The following NAA11 variants were observed in gnomAD, a reference collection of about 807,000 sequenced individuals.
NAA11 encodes the protein N-alpha-acetyltransferase 11.
NAA11 carries 15 observed loss-of-function variants against 16.1 expected under a neutral mutation model. The ratio of observed to expected loss-of-function variants is 0.93; its 90% CI spans 0.62 to 1.44. The LOEUF (loss-of-function observed/expected upper bound fraction) is 1.44. Among genes scored for constraint, NAA11 ranks in the 40% most tolerant of loss-of-function variants. The pLI, the probability that NAA11 is intolerant of heterozygous loss-of-function variation, is 0.00. For synonymous variants in NAA11, 122 were observed against 112.4 expected, an observed-to-expected ratio of 1.09 and a Z score of -0.54; for missense variants, 298 against 291.3, an observed-to-expected ratio of 1.02 and a Z score of -0.17.
intron 1 of NAA11, among the ~76,000 whole-genome samples, chr4:79,298,292 A>G (rs1434244914): frequency 6.6e-6 from 1 of 152,222 alleles, no homozygotes; most frequent in Non-Finnish European, 1.5e-5. Flanking sequence ...GTCGGGACCC[A>G]CTGAATGGTG....
chr4:79,318,907 T>C (rs1364506070), intron 1 of NAA11, among the ~76,000 whole-genome samples: 1 of 152,164 alleles, frequency 6.6e-6, no homozygotes, highest in Non-Finnish European at 1.5e-5. Context: ...AGATTCCCTT[T>C]AAAATGTTAG....
chr4:79,158,436 A>G, the NAA11 span, among the ~76,000 whole-genome samples: 2 of 152,088 alleles, frequency 1.3e-5, no homozygotes, highest in Non-Finnish European at 2.9e-5. Flanking sequence ...GGAAAACTAC[A>G]AAACACTGCT....
At chr4:79,194,374 G>A in the NAA11 span, among the ~76,000 whole-genome samples, 1 of 152,208 alleles carries the variant, frequency 6.6e-6, no homozygotes, top group East Asian at 1.9e-4. Context: ...AAACATACAT[G>A]TAGTGAAATA....
chr4:79,309,116 G>A (rs537894778), intron 1 of NAA11, among the ~76,000 whole-genome samples: 4 of 152,200 alleles, frequency 2.6e-5, no homozygotes, highest in African/African-American at 4.8e-5. Flanking sequence ...GTTAATTACT[G>A]GTAAACCACA....
chr4:79,268,340 G>C (rs1239353239), intron 2 of NAA11, among the ~76,000 whole-genome samples: 2 of 152,078 alleles, frequency 1.3e-5, no homozygotes, highest in East Asian at 1.9e-4. Context: ...GATTCCATTA[G>C]ATCTTTTAAA....
At position 79,309,241 on chromosome 4, in the gene NAA11, C is replaced by T. The variant is rs546407123; in HGVS notation, c.*13-15127G>A. On this transcript the variant is annotated intron_variant and NMD_transcript_variant, in intron 1 of 2. Coordinates refer to the NAA11 transcript ENST00000511542. Reference sequence around the variant, plus strand: ...CAAGATGATTTCTTGGAGATTATTGCTCATTTATTTTTTTAACAGACAAAA... The same window carrying T: ...CAAGATGATTTCTTGGAGATTATTGTTCATTTATTTTTTTAACAGACAAAA... Among the ~76,000 whole-genome samples, 40 of 152,222 alleles carry T rather than the reference C, an allele frequency of 2.6e-4. No individual in the cohort carries two copies. In the East Asian group the frequency reaches 6.4e-3, roughly 24 times the overall value.
At chr4:79,249,978 CAGAG>C (rs1390817890) in intron 2 of NAA11, among the ~76,000 whole-genome samples, 1 of 152,208 alleles carries the variant, frequency 6.6e-6, no homozygotes, top group African/African-American at 2.4e-5. Flanking sequence ...CAGCATGACT[CAGAG>C]AGAGTGAGGA....
intron 1 of NAA11, among the ~76,000 whole-genome samples, chr4:79,300,292 C>T (rs1552282): frequency 0.57 from 85,944 of 151,956 alleles, 24,826 homozygotes; most frequent in East Asian, 0.85. Context: ...TGCCATATAC[C>T]TTAACATGTT....
intron 2 of NAA11, among the ~76,000 whole-genome samples, chr4:79,226,545 A>G (rs770001859): frequency 1.7e-4 from 25 of 151,128 alleles, no homozygotes; most frequent in Non-Finnish European, 3.2e-4. Context: ...TGTCATTTAC[A>G]TTAGGTATAT....
intron 2 of NAA11, among the ~76,000 whole-genome samples, chr4:79,249,616 G>A (rs2109966924): frequency 6.6e-6 from 1 of 152,312 alleles, no homozygotes; most frequent in East Asian, 1.9e-4. Flanking sequence ...AAGGGATTAT[G>A]TAAAAATGCC....
chr4:79,237,582 G>A (rs1472038457), intron 2 of NAA11, among the ~76,000 whole-genome samples: 1 of 152,022 alleles, frequency 6.6e-6, no homozygotes, highest in Non-Finnish European at 1.5e-5. Flanking sequence ...ACTTCATTTT[G>A]ACAGTGTTTG....
chr4:79,229,828 A>G (rs1172173111), intron 2 of NAA11, among the ~76,000 whole-genome samples: 1 of 151,946 alleles, frequency 6.6e-6, no homozygotes, highest in African/African-American at 2.4e-5. Context: ...GGGCTTCTAA[A>G]TAGGAGAGCT....
At chr4:79,244,365 C>T (rs1414736975) in intron 2 of NAA11, among the ~76,000 whole-genome samples, 1 of 152,094 alleles carries the variant, frequency 6.6e-6, no homozygotes, top group Non-Finnish European at 1.5e-5. Flanking sequence ...TGTCTGTTAA[C>T]TGAATGAAAG....
intron 2 of NAA11, among the ~76,000 whole-genome samples, chr4:79,263,267 G>A: frequency 6.6e-6 from 1 of 152,162 alleles, no homozygotes; most frequent in East Asian, 1.9e-4. Flanking sequence ...AAACTTTCCT[G>A]TAGGGTGTAT....
At chr4:79,271,821 AAC>A (rs1722499806) in intron 2 of NAA11, among the ~76,000 whole-genome samples, 1 of 152,012 alleles carries the variant, frequency 6.6e-6, no homozygotes, top group African/African-American at 2.4e-5. Context: ...GTCTTCTAAG[AAC>A]CAGGTAGGGG....
At chr4:79,312,646 CAAAAAAAAAAA>C (rs544315352), downstream of NAA11, among the ~76,000 whole-genome samples, 24 of 69,448 alleles carry the variant, frequency 3.5e-4, no homozygotes, top group Non-Finnish European at 5.5e-4. Context: ...GACTCCATCT[CAAAAAAAAAAA>C]AAAAAAAAAA....
chr4:79,240,423 G>C (rs972633887), intron 2 of NAA11, among the ~76,000 whole-genome samples: 4 of 152,304 alleles, frequency 2.6e-5, no homozygotes, highest in Non-Finnish European at 5.9e-5. Flanking sequence ...ATCATTATAT[G>C]AGGATGCCTT....
the NAA11 span, among the ~76,000 whole-genome samples, chr4:79,204,745 T>A: frequency 6.6e-6 from 1 of 151,858 alleles, no homozygotes; most frequent in Non-Finnish European, 1.5e-5. Context: ...CCAGTGTGCG[T>A]TATACCATTC....
chr4:79,310,502 A>C (rs1723741017), intron 1 of NAA11, among the ~76,000 whole-genome samples: 1 of 152,224 alleles, frequency 6.6e-6, no homozygotes, highest in Non-Finnish European at 1.5e-5. Flanking sequence ...AGAAAAATGC[A>C]GAAAAGAAAG....
Sources: gnomAD v4.1 joint callset for allele counts (sites outside exome capture counted in the v4.1 genomes callset) on GRCh38, gnomAD v4.1.1 for gene constraint, MANE v1.5 for transcripts, NCBI Gene and HGNC (gene_info 2026-07-23, HGNC 2026-07-21) for gene names.